Variants in CENPU observed in about 807,000 individuals in gnomAD.
The protein encoded by CENPU is KSHV latent nuclear antigen interacting protein 1.
In CENPU, 46 loss-of-function variants were observed where a neutral mutation model predicts 56.7. The observed-to-expected ratio is 0.81, with a 90% CI of 0.64 to 1.04. The LOEUF is 1.04. Among genes scored for constraint, CENPU ranks in the 50% least tolerant of loss-of-function variants. CENPU has a pLI of 0.00. For synonymous variants in CENPU, 166 were observed against 163.0 expected (o/e 1.02, Z -0.14); for missense variants, 510 against 490.1 (o/e 1.04, Z -0.38).
chr4:184,704,341 T>G (rs1320018248), intron 8 of CENPU, among the ~76,000 whole-genome samples: 3 of 152,342 alleles, frequency 2.0e-5, no homozygotes, highest in African/African-American at 7.2e-5. Flanking sequence ...TATGTTTAGA[T>G]ACACAACTTA....
intron 2 of CENPU, among the ~76,000 whole-genome samples, chr4:184,729,239 T>C (rs572311341): frequency 6.6e-6 from 1 of 152,336 alleles, no homozygotes; most frequent in East Asian, 1.9e-4. Flanking sequence ...CACAAATGTG[T>C]ACAATTACAA....
At chr4:184,710,654 C>T (rs748539805) in intron 7 of CENPU, among the ~76,000 whole-genome samples, 8 of 146,232 alleles carry the variant, frequency 5.5e-5, no homozygotes, top group Non-Finnish European at 1.1e-4. Flanking sequence ...GTTTGAGCTT[C>T]TTTCTTACTA....
intron 7 of CENPU, 62 bp downstream of exon 7, chr4:184,712,882 G>T: frequency 2.7e-6 from 3 of 1,104,372 alleles, no homozygotes; most frequent in South Asian, 2.8e-5. Flanking sequence ...ATTAAGAATA[G>T]GGTCTTATTT....
Position 184,694,653 on chromosome 4 carries a change from T to G in CENPU, c.*635A>C, listed in dbSNP as rs1760114947. ...CTGTCTGGGATAATGGCATTGATGA[T>G]GCTTATTTTTTAGAAGCTACTGAAG... is the stretch of plus-strand genomic sequence containing the variant. On this transcript the variant is annotated 3_prime_UTR_variant, in exon 13 of 13. Transcript: ENST00000281453. 1 of 1,614,182 alleles carries G rather than the reference T, an allele frequency of 6.2e-7. No individual in the cohort carries two copies. Among genetic ancestry groups the G allele is most frequent in the Non-Finnish European group, 8.5e-7 (1 of 1,180,028 alleles).
rs59083873 is a variant in CENPU at position 184,731,883 on chromosome 4, C to CTGTG, written c.48-919_48-916dup. Among the ~76,000 whole-genome samples the CTGTG allele has an allele frequency of 2.5e-3, 362 of 146,752 alleles. 4 individuals are homozygous for CTGTG. The highest frequency in any genetic ancestry group is 6.8e-3 in the Middle Eastern group (2 of 294). On this transcript the variant is annotated intron_variant, in intron 1 of 12. Transcript: ENST00000281453. ...TCTGTATGCCCTTTACTCATGTGCT[C>CTGTG]TGTGTGTGTGTGTGTGTGTGTGTGT...
chr4:184,724,827 CTT>C, intron 4 of CENPU, 128 bp downstream of exon 4: 2 of 587,646 alleles, frequency 3.4e-6, no homozygotes, highest in Non-Finnish European at 6.0e-6. Flanking sequence ...CCTCAGTTCT[CTT>C]GAGAAAAAGC....
intron 3 of CENPU, among the ~76,000 whole-genome samples, chr4:184,725,915 G>T (rs1761434249): frequency 6.6e-6 from 1 of 152,188 alleles, no homozygotes; most frequent in South Asian, 2.1e-4. Context: ...TAACAGGAGA[G>T]ACCCAGGACT....
chr4:184,727,684 C>A (rs1223259705), intron 3 of CENPU, among the ~76,000 whole-genome samples: 1 of 152,198 alleles, frequency 6.6e-6, no homozygotes, highest in Non-Finnish European at 1.5e-5. Context: ...AAAGTCCACA[C>A]AAAAACTCTT....
chr4:184,701,851 A>C (rs748860200), intron 10 of CENPU, among the ~76,000 whole-genome samples: 1 of 152,200 alleles, frequency 6.6e-6, no homozygotes, highest in Non-Finnish European at 1.5e-5. Context: ...TTTAATTATA[A>C]AAACAATTAT....
intron 3 of CENPU, 57 bp downstream of exon 3, chr4:184,728,861 C>G: frequency 8.2e-7 from 1 of 1,217,148 alleles, no homozygotes; most frequent in East Asian, 2.4e-5. Flanking sequence ...TTTATTATAT[C>G]TGGCCTAAAT....
chr4:184,697,928 T>C, intron 11 of CENPU, 125 bp from the exon 12 acceptor site: 1 of 629,336 alleles, frequency 1.6e-6, no homozygotes, highest in Non-Finnish European at 2.7e-6. Context: ...GCTTTGGCTC[T>C]GAAACTACGA....
intron 3 of CENPU, among the ~76,000 whole-genome samples, chr4:184,727,060 G>A (rs968239583): frequency 6.1e-5 from 9 of 147,670 alleles, no homozygotes; most frequent in African/African-American, 2.3e-4. Flanking sequence ...AGGTTGCAGT[G>A]AGCCGAGATC....
intron 6 of CENPU, 67 bp downstream of exon 6, chr4:184,716,330 C>T (rs1345958918): frequency 1.1e-5 from 11 of 965,286 alleles, no homozygotes; most frequent in Non-Finnish European, 1.8e-5. Context: ...GAAAATGCTT[C>T]ATTTTCTTCC....
intron 8 of CENPU, among the ~76,000 whole-genome samples, chr4:184,704,123 C>A (rs1013509497): frequency 4.6e-5 from 7 of 151,952 alleles, no homozygotes; most frequent in Admixed American, 3.9e-4. Flanking sequence ...CTCTGTCACC[C>A]CCGCTGGACT....
At chr4:184,719,638 T>C (rs7660939) in intron 4 of CENPU, among the ~76,000 whole-genome samples, 27,068 of 152,074 alleles carry the variant, frequency 0.18, 2,702 homozygotes, top group African/African-American at 0.26. Context: ...TAGGGGCATG[T>C]GACCTACTGA....
At chr4:184,705,684 C>T (rs779843859) in intron 8 of CENPU, among the ~76,000 whole-genome samples, 4 of 152,020 alleles carry the variant, frequency 2.6e-5, no homozygotes, top group African/African-American at 4.8e-5. Flanking sequence ...TCACAACAGC[C>T]AACAGGTGGA....
chr4:184,705,366 T>C (rs1367537561), intron 8 of CENPU, among the ~76,000 whole-genome samples: 1 of 152,118 alleles, frequency 6.6e-6, no homozygotes, highest in African/African-American at 2.4e-5. Flanking sequence ...CCTGAAATGA[T>C]GAAATGATAG....
At chr4:184,727,121 A>AAAAAAAT (rs1761484990) in intron 3 of CENPU, among the ~76,000 whole-genome samples, 2 of 151,884 alleles carry the variant, frequency 1.3e-5, no homozygotes, top group Non-Finnish European at 2.9e-5. Context: ...GTCTCCAAAA[A>AAAAAAAT]AAAAAAAAAA....
At chr4:184,699,647 T>TA (rs1760462995) in intron 11 of CENPU, 1 of 1,274,278 alleles carries the variant, frequency 7.8e-7, no homozygotes, top group South Asian at 1.2e-5. Context: ...TTCTCCCACT[T>TA]AAACTCCTGT....
Sources: allele counts gnomAD v4.1 joint callset (sites outside exome capture counted in the v4.1 genomes callset), GRCh38; gene constraint gnomAD v4.1.1; transcripts MANE v1.5; gene names NCBI Gene and HGNC (gene_info 2026-07-23, HGNC 2026-07-21).